Variants in LRPAP1 observed in about 807,000 individuals in gnomAD.
LRPAP1 encodes LDL receptor related protein associated protein 1.
A neutral mutation model predicts 39.9 loss-of-function variants in LRPAP1; 41 were observed. That is an observed-to-expected ratio of 1.03 (90% confidence interval 0.80 to 1.33). The LOEUF is 1.33. Among genes scored for constraint, LRPAP1 ranks in the 40% most tolerant of loss-of-function variants. LRPAP1 has a pLI of 0.00. For missense variants in LRPAP1, 565 were observed against 482.3 expected, an observed-to-expected ratio of 1.17 and a Z score of -1.61; for synonymous variants, 263 against 212.7, an observed-to-expected ratio of 1.24 and a Z score of -2.06.
intron 2 of LRPAP1, among the ~76,000 whole-genome samples, chr4:3,521,632 C>T (rs1158192937): frequency 5.9e-5 from 9 of 152,336 alleles, no homozygotes; most frequent in East Asian, 3.9e-4. Context: ...CAAGGCCACA[C>T]GCAGCATGTG....
At chr4:3,522,353 C>G (rs1248313630) in intron 2 of LRPAP1, among the ~76,000 whole-genome samples, 2 of 152,272 alleles carry the variant, frequency 1.3e-5, no homozygotes, top group Non-Finnish European at 2.9e-5. Context: ...GTACCCACGG[C>G]TGCGATCAGC....
chr4:3,519,055 A>G, intron 3 of LRPAP1, 64 bp from the exon 4 acceptor site: 5 of 1,583,896 alleles, frequency 3.2e-6, no homozygotes, highest in Non-Finnish European at 4.3e-6. Context: ...GCCGCTCTTC[A>G]GCCAACCACT....
Position 3,506,371 on chromosome 4 carries a change from C to G in LRPAP1, c.*6603G>C, listed in dbSNP as rs1577198252. 7.0e-6 allele frequency: 1 copy of G among 143,792 alleles called. No homozygotes were observed. Among genetic ancestry groups the G allele is most frequent in the East Asian group, 2.1e-4 (1 of 4,826 alleles). 8.9% of individuals were successfully genotyped at this position (143,792 alleles called of 1,614,324 possible). On this transcript the variant is annotated 3_prime_UTR_variant, in exon 8 of 8. Coordinates refer to ENST00000650182, the MANE Select transcript of LRPAP1 (RefSeq NM_002337.4). ...GGGAGCCACCCACACTTGGCTCAAG[C>G]TGGGTTTTTTTTTTTTTTTGAGGCG...
At chr4:3,517,594 G>A (rs1382772871) in intron 5 of LRPAP1, 1 of 156,756 alleles carries the variant, frequency 6.4e-6, no homozygotes, top group African/African-American at 2.4e-5. Flanking sequence ...GAGCTGCTGA[G>A]ACGGAGCCAC....
intron 1 of LRPAP1, among the ~76,000 whole-genome samples, chr4:3,526,113 G>T (rs997707444): frequency 6.6e-6 from 1 of 152,254 alleles, no homozygotes; most frequent in African/African-American, 2.4e-5. Flanking sequence ...AGGCTGCACC[G>T]CATGCCTGTA....
intron 1 of LRPAP1, among the ~76,000 whole-genome samples, chr4:3,529,561 C>T (rs1050537581): frequency 2.6e-5 from 4 of 152,168 alleles, no homozygotes; most frequent in African/African-American, 9.7e-5. Context: ...CCTCTGACCT[C>T]CAAAGCTCCA....
At chr4:3,514,044 G>A (rs1396884733) in intron 7 of LRPAP1, among the ~76,000 whole-genome samples, 1 of 152,256 alleles carries the variant, frequency 6.6e-6, no homozygotes, top group Non-Finnish European at 1.5e-5. Context: ...CGTCTCGCGG[G>A]AGCGCCCTGC....
intron 5 of LRPAP1, among the ~76,000 whole-genome samples, chr4:3,516,646 G>A (rs563877284): frequency 1.3e-5 from 2 of 152,232 alleles, no homozygotes; most frequent in Non-Finnish European, 2.9e-5. Flanking sequence ...TCTCCAGCAG[G>A]ATGTTGTGCT....
chr4:3,523,021 G>C lies in LRPAP1; in HGVS notation c.349+1886C>G, dbSNP rs556492780. Among the ~76,000 whole-genome samples the C allele has an allele frequency of 1.8e-3, 271 of 152,256 alleles. 1 individual carries two copies. Among genetic ancestry groups the C allele is most frequent in the African/African-American group, 6.3e-3 (263 of 41,548 alleles). On this transcript the variant is annotated intron_variant, in intron 2 of 7. Transcript: ENST00000650182. ...AGGACGAGCCTCTTTCCTGAGTGTGGGCAGGGTCTGCTTCTGGGACGCCGG... is the reference window on the plus strand; with the variant it reads ...AGGACGAGCCTCTTTCCTGAGTGTGCGCAGGGTCTGCTTCTGGGACGCCGG...
rs1251385016 is a variant in LRPAP1 at position 3,518,168 on chromosome 4, G to A, written c.617C>T (p.Pro206Leu). ...TEEIHENVIS[P>L]SDLSDIKGSV... The stretch of plus-strand genomic sequence containing the variant: ...GCCCTTGATGTCGCTCAGGTCCGAG[G>A]GGCTAATGACGTTCTCGTGGATTTC... The change falls in exon 5 of 8, where the codon CCC becomes CTC. Residue 206 changes from proline (P) to leucine (L), a missense_variant. By Grantham distance (98) the Pro-to-Leu change is moderately conservative. Transcript: ENST00000650182. The A allele has an allele frequency of 8.1e-6, 13 of 1,612,090 alleles. No homozygotes were observed. Among genetic ancestry groups the A allele is most frequent in the Non-Finnish European group, 1.1e-5 (13 of 1,178,956 alleles).
At position 3,514,937 on chromosome 4, in the gene LRPAP1, A is replaced by C; in HGVS notation, c.835-9T>G. On this transcript the variant is annotated splice_polypyrimidine_tract_variant and intron_variant, in intron 6 of 7. Transcript: ENST00000650182. ...AAGTGCTTGAGCTCCTCCTGGAACA[A>C]GGTTTCCATAGGTGAGTGTTCCCTT... The C allele has an allele frequency of 6.2e-7, 1 of 1,612,606 alleles. No homozygotes were observed.
rs945438758 is a variant in LRPAP1, at chr4:3,512,089, C to T, written c.*885G>A. Reference sequence around the variant, plus strand: ...CCCGAGCCTCTTCCAGGCTCAGACACGGGAAGGGAACCACGCCTGGAGCCA... The same window carrying T: ...CCCGAGCCTCTTCCAGGCTCAGACATGGGAAGGGAACCACGCCTGGAGCCA... On this transcript the variant is annotated 3_prime_UTR_variant, in exon 8 of 8. Transcript: ENST00000650182. 19 of 145,984 alleles carry T rather than the reference C, an allele frequency of 1.3e-4. No individual in the cohort carries two copies. Among genetic ancestry groups the T allele is most frequent in the Admixed American group, 1.4e-4 (2 of 14,580 alleles). 9.0% of individuals were successfully genotyped at this position (145,984 alleles called of 1,614,324 possible). A position where few individuals can be genotyped will look rare whatever the true frequency, so the allele number is the denominator to read the frequency against.
intron 2 of LRPAP1, among the ~76,000 whole-genome samples, chr4:3,523,849 C>A (rs924453547): frequency 1.3e-5 from 2 of 152,248 alleles, no homozygotes; most frequent in Non-Finnish European, 1.5e-5. Flanking sequence ...CAGCCACCCC[C>A]ACCCCCACCA....
rs1729545024 is a variant in LRPAP1, at chr4:3,512,167, G to A, written c.*807C>T. 6.6e-6 allele frequency: 1 copy of A among 152,438 alleles called. No homozygotes were observed. Among genetic ancestry groups the A allele is most frequent in the Non-Finnish European group, 1.5e-5 (1 of 68,210 alleles). 9.4% of individuals were successfully genotyped at this position (152,438 alleles called of 1,614,324 possible). A position where few individuals can be genotyped will look rare whatever the true frequency, so the allele number is the denominator to read the frequency against. ...CAGGAACATTCTCGGAGCCGGACCT[G>A]AGCAACCGCCAGTCCATCAGCTATG... On this transcript the variant is annotated 3_prime_UTR_variant, in exon 8 of 8. Transcript: ENST00000650182.
At chr4:3,514,627 C>A in intron 7 of LRPAP1, 125 bp downstream of exon 7, 4 of 1,278,132 alleles carry the variant, frequency 3.1e-6, no homozygotes, top group Non-Finnish European at 4.2e-6. Flanking sequence ...GGGTTCAACT[C>A]GGACAGGGAA....
intron 1 of LRPAP1, among the ~76,000 whole-genome samples, chr4:3,531,500 G>A (rs757977796): frequency 8.5e-5 from 13 of 152,144 alleles, no homozygotes; most frequent in Non-Finnish European, 1.5e-4. Flanking sequence ...AACAAATGAA[G>A]CAACCGTATC....
intron 5 of LRPAP1, among the ~76,000 whole-genome samples, chr4:3,516,611 C>T (rs550544720): frequency 9.2e-5 from 14 of 152,346 alleles, no homozygotes; most frequent in African/African-American, 2.9e-4. Context: ...AGGCACAGGC[C>T]GTTTCCCTTC....
intron 7 of LRPAP1, 93 bp downstream of exon 7, chr4:3,514,659 C>T (rs577457251): frequency 6.9e-7 from 1 of 1,455,160 alleles, no homozygotes; most frequent in Non-Finnish European, 9.2e-7. Context: ...GGGGCCCACA[C>T]CCCATCTACA....
At chr4:3,524,082 C>A (rs116264519) in intron 2 of LRPAP1, among the ~76,000 whole-genome samples, 2,874 of 152,288 alleles carry the variant, frequency 0.019, 42 homozygotes, top group Middle Eastern at 0.078. Context: ...GGCAGCTGAG[C>A]ACTCGACTCT....
Sources: allele counts gnomAD v4.1 joint callset (sites outside exome capture counted in the v4.1 genomes callset), GRCh38; gene constraint gnomAD v4.1.1; transcripts MANE v1.5; gene names NCBI Gene and HGNC (gene_info 2026-07-23, HGNC 2026-07-21).